Variants in DEPTOR observed in about 807,000 individuals in gnomAD.
The protein encoded by DEPTOR is DEP domain containing MTOR interacting protein, also known as DEP domain-containing mTOR-interacting protein.
In DEPTOR, 41 loss-of-function variants were observed where a neutral mutation model predicts 41.6. The observed-to-expected ratio is 0.98, with a 90% CI of 0.77 to 1.28. The LOEUF (loss-of-function observed/expected upper bound fraction) is 1.28. DEPTOR is among the 50% of genes most tolerant of loss of function. The probability of loss-of-function intolerance (pLI) is 0.00; values close to 1 mark genes in which losing one functional copy is unlikely to be tolerated. For missense variants in DEPTOR, 514 were observed against 527.9 expected, an observed-to-expected ratio of 0.97 and a Z score of 0.26; for synonymous variants, 195 against 192.3, an observed-to-expected ratio of 1.01 and a Z score of -0.12.
intron 1 of DEPTOR, among the ~76,000 whole-genome samples, chr8:119,923,893 C>CTTT (rs769960283): frequency 1.9e-5 from 2 of 104,976 alleles, no homozygotes; most frequent in Non-Finnish European, 4.5e-5. Flanking sequence ...TTTTTTCTTT[C>CTTT]TTTTTTTTTT....
intron 3 of DEPTOR, 145 bp downstream of exon 3, chr8:119,930,083 G>T: frequency 1.0e-6 from 1 of 955,454 alleles, no homozygotes; most frequent in Non-Finnish European, 1.4e-6. Flanking sequence ...AAACTATCAA[G>T]CATTTGCTGT....
intron 4 of DEPTOR, among the ~76,000 whole-genome samples, chr8:119,979,770 G>A (rs7824041): frequency 0.062 from 9,380 of 152,150 alleles, 475 homozygotes; most frequent in South Asian, 0.16. Flanking sequence ...AGGCCACTGG[G>A]GAAGGGGTGG....
intron 4 of DEPTOR, among the ~76,000 whole-genome samples, chr8:119,980,206 A>G (rs1828744957): frequency 6.6e-6 from 1 of 152,064 alleles, no homozygotes; most frequent in Admixed American, 6.6e-5. Flanking sequence ...TTCATAATAT[A>G]CTTTAACTCG....
At chr8:119,922,237 CAAA>C (rs34430128) in intron 1 of DEPTOR, among the ~76,000 whole-genome samples, 2 of 125,854 alleles carry the variant, frequency 1.6e-5, no homozygotes, top group South Asian at 2.5e-4. Context: ...GAAACTGTCT[CAAA>C]AAAAAAAAAA....
intron 8 of DEPTOR, among the ~76,000 whole-genome samples, chr8:120,024,332 G>C (rs974206988): frequency 6.6e-6 from 1 of 152,188 alleles, no homozygotes; most frequent in African/African-American, 2.4e-5. Flanking sequence ...CCACACATGG[G>C]TGTACTTAGG....
intron 8 of DEPTOR, among the ~76,000 whole-genome samples, chr8:120,025,522 T>G (rs899809321): frequency 3.3e-4 from 51 of 152,306 alleles, no homozygotes; most frequent in African/African-American, 1.1e-3. Context: ...TTATGGAGCT[T>G]CAGTTGATTG....
At chr8:119,910,688 G>T (rs549723749) in intron 1 of DEPTOR, among the ~76,000 whole-genome samples, 4 of 151,828 alleles carry the variant, frequency 2.6e-5, no homozygotes, top group East Asian at 1.9e-4. Flanking sequence ...TAATCCACCC[G>T]CCTCAACCTC....
chr8:119,977,795 A>G (rs1242805875), intron 4 of DEPTOR, among the ~76,000 whole-genome samples: 3 of 152,146 alleles, frequency 2.0e-5, no homozygotes, highest in Non-Finnish European at 4.4e-5. Context: ...GAAGAGTGTT[A>G]TGCACACAGA....
At chr8:119,908,462 TGTAA>T (rs1195901155) in intron 1 of DEPTOR, among the ~76,000 whole-genome samples, 2 of 152,146 alleles carry the variant, frequency 1.3e-5, no homozygotes, top group Non-Finnish European at 2.9e-5. Context: ...AACCAATAAA[TGTAA>T]GTAAGTGTTT....
intron 1 of DEPTOR, among the ~76,000 whole-genome samples, chr8:119,878,898 A>T (rs1199059104): frequency 6.6e-6 from 1 of 151,496 alleles, no homozygotes; most frequent in African/African-American, 2.4e-5. Context: ...ATCACCTGAG[A>T]TCGGGAGTTC....
In DEPTOR at chr8:119,924,666, A is replaced by G. The variant is rs138458352; in HGVS notation, c.123-3734A>G. 2.0e-4 allele frequency among the ~76,000 whole-genome samples: 30 copies of G among 152,190 alleles called. No homozygotes were observed. In the East Asian group the frequency reaches 5.0e-3, roughly 25 times the overall value. ...TACCCTATCGGTAAAACAGGCCTAAATCACTTTATTATATCATGATTCCTT... is the reference window on the plus strand; with the variant it reads ...TACCCTATCGGTAAAACAGGCCTAAGTCACTTTATTATATCATGATTCCTT... On this transcript the variant is annotated intron_variant, in intron 1 of 8. Transcript: ENST00000286234.
intron 3 of DEPTOR, among the ~76,000 whole-genome samples, chr8:119,934,046 A>AT (rs1828078825): frequency 6.6e-6 from 1 of 151,946 alleles, no homozygotes; most frequent in South Asian, 2.1e-4. Context: ...TACCTGGCTA[A>AT]TTTTTTGTAT....
chr8:119,943,653 C>T (rs1331641385), intron 3 of DEPTOR, among the ~76,000 whole-genome samples: 1 of 152,064 alleles, frequency 6.6e-6, no homozygotes, highest in East Asian at 1.9e-4. Context: ...CTCCCGTTAA[C>T]ATCTGTCCCC....
chr8:119,882,975 G>A (rs1827317469), intron 1 of DEPTOR, among the ~76,000 whole-genome samples: 1 of 152,106 alleles, frequency 6.6e-6, no homozygotes. Context: ...TGTATCATTA[G>A]ATACACGGGG....
chr8:120,009,207 C>T lies in DEPTOR; in HGVS notation c.1101+74C>T, dbSNP rs1006215709. On this transcript the variant is annotated intron_variant, in intron 8 of 8. Transcript: ENST00000286234. The stretch of plus-strand genomic sequence containing the variant: ...CATGCTAAATTGGCCATGATTCTTA[C>T]TAGGGATCCAAACCCATCTTATTTT... 22 of 1,315,268 alleles carry T rather than the reference C, an allele frequency of 1.7e-5. No homozygotes were observed. In the South Asian group the frequency reaches 2.0e-4, roughly 12 times the overall value. The allele number at this position is 1,315,268 out of a possible 1,614,324, so 81.5% of individuals were successfully genotyped here.
chr8:119,959,582 A>G lies in DEPTOR; in HGVS notation c.426-5650A>G, dbSNP rs575172411. 5.9e-5 allele frequency among the ~76,000 whole-genome samples: 9 copies of G among 151,424 alleles called. No individual in the cohort carries two copies. In the East Asian group the frequency reaches 1.2e-3, roughly 20 times the overall value. Reference sequence around the variant, plus strand: ...TGCTCTGTCACCCAGGCTGGAGTACAGTGGTGCGATCTCGGTTCACTGCAA... The same window carrying G: ...TGCTCTGTCACCCAGGCTGGAGTACGGTGGTGCGATCTCGGTTCACTGCAA... On this transcript the variant is annotated intron_variant, in intron 3 of 8. Coordinates refer to ENST00000286234, the MANE Select transcript of DEPTOR (RefSeq NM_022783.4).
chr8:119,936,078 C>A (rs1053393893), intron 3 of DEPTOR, among the ~76,000 whole-genome samples: 2 of 143,600 alleles, frequency 1.4e-5, no homozygotes, highest in Non-Finnish European at 3.0e-5. Flanking sequence ...TACTATTAGT[C>A]TCTTTATCCT....
intron 8 of DEPTOR, among the ~76,000 whole-genome samples, chr8:120,041,929 T>C (rs1218649151): frequency 3.9e-5 from 6 of 152,172 alleles, no homozygotes; most frequent in Non-Finnish European, 7.3e-5. Context: ...TTCCTTTTCA[T>C]TCAAGAATTT....
intron 3 of DEPTOR, among the ~76,000 whole-genome samples, chr8:119,930,332 G>T (rs1260756538): frequency 6.6e-6 from 1 of 152,060 alleles, no homozygotes; most frequent in Admixed American, 6.6e-5. Context: ...CGTCTTCTGG[G>T]TTCAAGTGAT....
Sources: allele counts gnomAD v4.1 joint callset (sites outside exome capture counted in the v4.1 genomes callset), GRCh38; gene constraint gnomAD v4.1.1; transcripts MANE v1.5; gene names NCBI Gene and HGNC (gene_info 2026-07-23, HGNC 2026-07-21).